The following SGCZ variants were observed in gnomAD, a reference collection of about 807,000 sequenced individuals.
SGCZ encodes sarcoglycan zeta, also known as zeta-sarcoglycan.
A neutral mutation model predicts 41.3 loss-of-function variants in SGCZ; 40 were observed. The observed-to-expected ratio is 0.97, with a 90% CI of 0.75 to 1.26. The LOEUF (loss-of-function observed/expected upper bound fraction) is 1.26. Among genes scored for constraint, SGCZ ranks in the 50% most tolerant of loss-of-function variants. The pLI, the probability that SGCZ is intolerant of heterozygous loss-of-function variation, is 0.00. For synonymous variants in SGCZ, 206 were observed against 137.5 expected (o/e 1.50, Z -3.49); for missense variants, 552 against 369.8 (o/e 1.49, Z -4.04).
At chr8:14,950,632 C>CA (rs926026913) in intron 1 of SGCZ, among the ~76,000 whole-genome samples, 52 of 151,002 alleles carry the variant, frequency 3.4e-4, no homozygotes, top group African/African-American at 1.0e-3. Flanking sequence ...AGGATGTTGG[C>CA]AAAAAAAATC....
chr8:15,172,726 T>C (rs1236026163), intron 1 of SGCZ, among the ~76,000 whole-genome samples: 2 of 152,208 alleles, frequency 1.3e-5, no homozygotes, highest in African/African-American at 4.8e-5. Flanking sequence ...ATTTTACCTT[T>C]ATCAACATGC....
chr8:14,253,264 G>A (rs1019241238), intron 3 of SGCZ, among the ~76,000 whole-genome samples: 27 of 151,862 alleles, frequency 1.8e-4, no homozygotes, highest in African/African-American at 6.3e-4. Context: ...GTGTGTGTGT[G>A]TGTGTGTGTA....
chr8:14,446,151 T>G (rs78351976), intron 2 of SGCZ, among the ~76,000 whole-genome samples: 6 of 152,158 alleles, frequency 3.9e-5, no homozygotes, highest in Non-Finnish European at 8.8e-5. Context: ...CAGGCATATA[T>G]ACCACCAGCT....
chr8:14,155,276 T>C (rs1388909962), intron 5 of SGCZ, among the ~76,000 whole-genome samples: 3 of 152,150 alleles, frequency 2.0e-5, no homozygotes, highest in African/African-American at 7.2e-5. Flanking sequence ...AAGTTATGCG[T>C]TTTTGTCTGA....
chr8:14,940,261 CTATAGCTACAGTGACAAAAA>C (rs1315275322), intron 1 of SGCZ, among the ~76,000 whole-genome samples: 1 of 152,140 alleles, frequency 6.6e-6, no homozygotes, highest in Non-Finnish European at 1.5e-5. Flanking sequence ...CCACATTTAA[CTATAGCTACAGTGACAAAAA>C]TATAGCATCA....
At chr8:14,924,621 A>G (rs1267461690) in intron 1 of SGCZ, among the ~76,000 whole-genome samples, 1 of 152,092 alleles carries the variant, frequency 6.6e-6, no homozygotes, top group African/African-American at 2.4e-5. Flanking sequence ...ACTAGTGTTC[A>G]TGGTGGGCAA....
chr8:14,885,320 C>G (rs1027199196), intron 1 of SGCZ, among the ~76,000 whole-genome samples: 3 of 152,222 alleles, frequency 2.0e-5, no homozygotes, highest in African/African-American at 4.8e-5. Context: ...AATACAGATA[C>G]GGTTCTGGTT....
intron 4 of SGCZ, among the ~76,000 whole-genome samples, chr8:14,213,203 A>G (rs1271792107): frequency 7.1e-6 from 1 of 140,088 alleles, no homozygotes; most frequent in African/African-American, 2.4e-5. Context: ...CTGTAGATTT[A>G]AGAAGCTGAA....
rs1019018277 is a variant in SGCZ at position 14,803,307 on chromosome 8, T to C, written c.40-248381A>G. Reference sequence around the variant, plus strand: ...AAGACGGGTGATTTCTGCATTTCCATCTGAGGTACCGGATTCATCTCACTA... The same window carrying C: ...AAGACGGGTGATTTCTGCATTTCCACCTGAGGTACCGGATTCATCTCACTA... On this transcript the variant is annotated intron_variant, in intron 1 of 7. Transcript: ENST00000382080. Among the ~76,000 whole-genome samples, 30 of 152,198 alleles carry C rather than the reference T, an allele frequency of 2.0e-4. No homozygotes were observed. In the East Asian group the frequency reaches 5.9e-3, roughly 30 times the overall value.
intron 1 of SGCZ, among the ~76,000 whole-genome samples, chr8:14,753,212 C>T (rs1799553979): frequency 6.6e-6 from 1 of 152,240 alleles, no homozygotes; most frequent in African/African-American, 2.4e-5. Flanking sequence ...TCTTACGGAG[C>T]TAAATTAACA....
At chr8:14,621,398 G>T (rs1210947627) in intron 1 of SGCZ, among the ~76,000 whole-genome samples, 1 of 151,284 alleles carries the variant, frequency 6.6e-6, no homozygotes, top group Admixed American at 6.6e-5. Context: ...TAACAAACCT[G>T]CACGTTGTGC....
At chr8:14,201,017 G>A (rs944979474) in intron 4 of SGCZ, among the ~76,000 whole-genome samples, 2 of 152,050 alleles carry the variant, frequency 1.3e-5, no homozygotes, top group Admixed American at 1.3e-4. Flanking sequence ...TATGCAGATG[G>A]AAAACAAAAA....
At chr8:14,180,363 A>T (rs559413202) in intron 4 of SGCZ, among the ~76,000 whole-genome samples, 40 of 152,204 alleles carry the variant, frequency 2.6e-4, no homozygotes, top group Middle Eastern at 6.8e-3. Flanking sequence ...TCCACTCTGA[A>T]TGCGGGGAGG....
intron 2 of SGCZ, among the ~76,000 whole-genome samples, chr8:14,550,138 C>T (rs1803756841): frequency 2.0e-5 from 3 of 151,796 alleles, no homozygotes; most frequent in Admixed American, 2.0e-4. Context: ...AATTAAACAA[C>T]AGAAATATAT....
In SGCZ at chr8:14,086,074, G is replaced by A. The variant is rs889501950; in HGVS notation, c.*4369C>T. ...ATGATATTTTGTAGTGTTCATTACT[G>A]TAATATACACCAGTACATAGAGCAA... On this transcript the variant is annotated 3_prime_UTR_variant, in exon 8 of 8. Coordinates refer to ENST00000382080, the MANE Select transcript of SGCZ (RefSeq NM_139167.4). 6.6e-6 allele frequency among the ~76,000 whole-genome samples: 1 copy of A among 151,560 alleles called. No homozygotes were observed. Among genetic ancestry groups the A allele is most frequent in the African/African-American group, 2.4e-5 (1 of 41,350 alleles).
intron 5 of SGCZ, among the ~76,000 whole-genome samples, chr8:14,126,025 C>G (rs903878079): frequency 6.6e-6 from 1 of 152,052 alleles, no homozygotes; most frequent in Admixed American, 6.6e-5. Flanking sequence ...CCATAAAAAC[C>G]CTAGAAGAAA....
chr8:14,944,951 C>A (rs1255143232), intron 1 of SGCZ, among the ~76,000 whole-genome samples: 1 of 152,092 alleles, frequency 6.6e-6, no homozygotes, highest in Non-Finnish European at 1.5e-5. Flanking sequence ...GTTCACAGTT[C>A]CTTTTAGGCA....
chr8:15,039,344 C>T (rs752488287), intron 1 of SGCZ, among the ~76,000 whole-genome samples: 1 of 152,112 alleles, frequency 6.6e-6, no homozygotes, highest in Non-Finnish European at 1.5e-5. Flanking sequence ...ACCCAGATGA[C>T]ATTATGTTAA....
At chr8:14,752,008 AT>A (rs1799514103) in intron 1 of SGCZ, among the ~76,000 whole-genome samples, 1 of 151,864 alleles carries the variant, frequency 6.6e-6, no homozygotes, top group South Asian at 2.1e-4. Flanking sequence ...TATTGTCAAC[AT>A]TGTTGCTACA....
Sources: gnomAD v4.1 joint callset for allele counts (sites outside exome capture counted in the v4.1 genomes callset) on GRCh38, gnomAD v4.1.1 for gene constraint, MANE v1.5 for transcripts, NCBI Gene and HGNC (gene_info 2026-07-23, HGNC 2026-07-21) for gene names.